The following FCHO2 variants were observed in gnomAD, a reference collection of about 807,000 sequenced individuals.
FCHO2 encodes F-BAR domain only protein 2.
A neutral mutation model predicts 114.1 loss-of-function variants in FCHO2; 43 were observed. That is an observed-to-expected ratio of 0.38 (90% CI 0.30 to 0.49). The LOEUF (loss-of-function observed/expected upper bound fraction) is 0.49, where lower values mean the gene tolerates loss of function less well. Ranked by LOEUF, FCHO2 falls within the 20% of genes least tolerant of loss-of-function variation. The pLI is 0.97. For missense variants in FCHO2, 807 were observed against 950.4 expected (o/e 0.85, Z 1.98); for synonymous variants, 293 against 315.2 (o/e 0.93, Z 0.75).
At chr5:73,002,181 A>C (rs935478920) in intron 5 of FCHO2, among the ~76,000 whole-genome samples, 8 of 152,188 alleles carry the variant, frequency 5.3e-5, no homozygotes, top group African/African-American at 1.7e-4. Context: ...GAGGAAAAAA[A>C]GAAATTTATG....
intron 5 of FCHO2, chr5:72,997,113 C>T (rs745366194): frequency 5.2e-6 from 6 of 1,158,248 alleles, no homozygotes; most frequent in Middle Eastern, 2.7e-4. Flanking sequence ...GTGCTGGATC[C>T]GGATGAGATA....
intron 5 of FCHO2, among the ~76,000 whole-genome samples, chr5:72,995,462 G>A (rs1244589518): frequency 1.3e-5 from 2 of 152,118 alleles, no homozygotes; most frequent in African/African-American, 4.8e-5. Flanking sequence ...CACCATGTTG[G>A]CCAGGCTGGT....
At chr5:73,021,504 T>TA (rs1755622395) in intron 8 of FCHO2, among the ~76,000 whole-genome samples, 1 of 152,182 alleles carries the variant, frequency 6.6e-6, no homozygotes, top group African/African-American at 2.4e-5. Flanking sequence ...ATCCTTACTC[T>TA]AGAAAATGCT....
At chr5:73,004,530 G>T (rs1363358544) in intron 5 of FCHO2, among the ~76,000 whole-genome samples, 1 of 151,996 alleles carries the variant, frequency 6.6e-6, no homozygotes, top group East Asian at 1.9e-4. Flanking sequence ...GATATTTCTT[G>T]TTAGAAACCA....
At position 73,081,842 on chromosome 5, in the gene FCHO2, T is replaced by C; in HGVS notation, c.2040T>C (p.Ser680=). Residue 680 remains serine, a synonymous_variant, in exon 23 of 26, where the codon AGT becomes AGC. Coordinates refer to ENST00000430046, the MANE Select transcript of FCHO2 (RefSeq NM_138782.3). The part of the protein sequence containing the change: ...PLNLATYWKC[S]ASTTDLRVDY... ...ATCTTGCAACATACTGGAAATGTAG[T>C]GCTAGCACCACAGATCTTAGAGTGG... The C allele has an allele frequency of 6.2e-7, 1 of 1,611,116 alleles. No individual in the cohort carries two copies.
At chr5:73,070,956 G>GT in intron 19 of FCHO2, among the ~76,000 whole-genome samples, 1 of 152,042 alleles carries the variant, frequency 6.6e-6, no homozygotes, top group Non-Finnish European at 1.5e-5. Context: ...ACCAGGTATT[G>GT]TATCAGAAGC....
At chr5:73,052,077 C>T (rs1015875244) in intron 12 of FCHO2, among the ~76,000 whole-genome samples, 1 of 151,958 alleles carries the variant, frequency 6.6e-6, no homozygotes, top group Admixed American at 6.6e-5. Context: ...GTGCATGCCA[C>T]CATGCCGAGC....
intron 22 of FCHO2, among the ~76,000 whole-genome samples, chr5:73,081,021 G>T (rs930013660): frequency 3.3e-5 from 5 of 152,222 alleles, no homozygotes; most frequent in African/African-American, 1.2e-4. Flanking sequence ...GAGGAGGGAG[G>T]ATTGCTCGAG....
At chr5:72,994,045 T>C (rs1352671957) in intron 5 of FCHO2, among the ~76,000 whole-genome samples, 1 of 152,118 alleles carries the variant, frequency 6.6e-6, no homozygotes, top group Non-Finnish European at 1.5e-5. Context: ...GGAAGACACC[T>C]GAGGCAATAC....
chr5:72,963,902 G>GTTTTTTTT (rs70973214), intron 1 of FCHO2, among the ~76,000 whole-genome samples: 22 of 95,720 alleles, frequency 2.3e-4, no homozygotes, highest in African/African-American at 4.2e-4. Context: ...GGAACTTTCA[G>GTTTTTTTT]TTTTTTTTTT....
In FCHO2 at chr5:73,088,499, A is replaced by C. The variant is rs1445114004; in HGVS notation, c.*409A>C. The stretch of plus-strand genomic sequence containing the variant: ...TCAGAGATAACTTTGAAATTTCATA[A>C]GTTTGATATTCAGTGGATACAAATA... On this transcript the variant is annotated 3_prime_UTR_variant, in exon 26 of 26. Coordinates refer to ENST00000430046, the MANE Select transcript of FCHO2 (RefSeq NM_138782.3). 5.6e-6 allele frequency: 1 copy of C among 179,646 alleles called. No homozygotes were observed. Among genetic ancestry groups the C allele is most frequent in the Admixed American group, 5.6e-5 (1 of 17,928 alleles). The allele number at this position is 179,646 out of a possible 1,614,324, so 11.1% of individuals were successfully genotyped here.
chr5:73,073,395 G>T (rs1742754017), intron 19 of FCHO2, among the ~76,000 whole-genome samples: 1 of 151,976 alleles, frequency 6.6e-6, no homozygotes, highest in South Asian at 2.1e-4. Context: ...CCTCATCTTT[G>T]TGTCTTTTTG....
intron 11 of FCHO2, among the ~76,000 whole-genome samples, chr5:73,041,968 A>C (rs1013412345): frequency 6.6e-6 from 1 of 152,122 alleles, no homozygotes; most frequent in Non-Finnish European, 1.5e-5. Context: ...GGTTTCAAAC[A>C]ATCTCTGTCC....
At chr5:72,987,241 G>A (rs1753575474) in intron 2 of FCHO2, among the ~76,000 whole-genome samples, 1 of 152,088 alleles carries the variant, frequency 6.6e-6, no homozygotes, top group Admixed American at 6.6e-5. Flanking sequence ...CTGTCATGAG[G>A]TCAGGTGTGG....
intron 17 of FCHO2, among the ~76,000 whole-genome samples, chr5:73,062,553 G>C (rs1757899948): frequency 6.6e-6 from 1 of 152,062 alleles, no homozygotes; most frequent in East Asian, 1.9e-4. Context: ...ACAGCTTCAA[G>C]TGTGAGTGCA....
chr5:73,027,154 T>C (rs1460020945), intron 8 of FCHO2, among the ~76,000 whole-genome samples: 2 of 151,940 alleles, frequency 1.3e-5, no homozygotes, highest in Non-Finnish European at 2.9e-5. Context: ...TAATTTTGTA[T>C]ATCTTTTTAT....
intron 2 of FCHO2, among the ~76,000 whole-genome samples, chr5:72,973,319 A>G (rs1752674468): frequency 6.6e-6 from 1 of 152,162 alleles, no homozygotes; most frequent in Non-Finnish European, 1.5e-5. Context: ...TTGGCTGTGA[A>G]TCCATCTGGT....
In FCHO2 at chr5:72,997,679, G is replaced by C. The variant is rs1754198070; in HGVS notation, c.495+6815G>C. On this transcript the variant is annotated intron_variant, in intron 5 of 25. Coordinates refer to ENST00000430046, the MANE Select transcript of FCHO2 (RefSeq NM_138782.3). ...CCCCCTTCACCTGAGTTGGGGTTGGGGGAAAGGGAGGGCGAGCCCTTGGGA... is the reference window on the plus strand; with the variant it reads ...CCCCCTTCACCTGAGTTGGGGTTGGCGGAAAGGGAGGGCGAGCCCTTGGGA... The C allele has an allele frequency of 2.6e-6, 4 of 1,552,552 alleles. No homozygotes were observed. In the Admixed American group the frequency reaches 5.1e-5, roughly 20 times the overall value.
chr5:73,041,268 T>G (rs1756792028), intron 10 of FCHO2, 23 bp from the exon 11 acceptor site: 2 of 1,444,576 alleles, frequency 1.4e-6, no homozygotes, highest in South Asian at 2.3e-5. Flanking sequence ...TTATTGAGTA[T>G]TTCTGATATT....
Sources: gnomAD v4.1 joint callset for allele counts (sites outside exome capture counted in the v4.1 genomes callset) on GRCh38, gnomAD v4.1.1 for gene constraint, MANE v1.5 for transcripts, NCBI Gene and HGNC (gene_info 2026-07-23, HGNC 2026-07-21) for gene names.